The following FAM149B1 variants were observed in gnomAD, a reference collection of about 807,000 sequenced individuals.
The protein encoded by FAM149B1 is family with sequence similarity 149 member B1.
FAM149B1 carries 56 observed loss-of-function variants against 75.3 expected under a neutral mutation model. The observed-to-expected ratio is 0.74, with a 90% confidence interval of 0.60 to 0.93. The LOEUF (loss-of-function observed/expected upper bound fraction) is 0.93. Ranked by LOEUF, FAM149B1 falls within the 40% of genes least tolerant of loss-of-function variation. FAM149B1 has a pLI of 0.00. For missense variants in FAM149B1, 639 were observed against 708.4 expected (o/e 0.90, Z 1.11); for synonymous variants, 259 against 256.1 (o/e 1.01, Z -0.11).
intron 5 of FAM149B1, among the ~76,000 whole-genome samples, chr10:73,197,917 G>T: frequency 6.6e-6 from 1 of 152,238 alleles, no homozygotes; most frequent in East Asian, 1.9e-4. Context: ...TAGCTAAGGG[G>T]CTTATCTGTA....
chr10:73,176,172 G>T (rs918781362), intron 2 of FAM149B1, among the ~76,000 whole-genome samples: 1 of 152,070 alleles, frequency 6.6e-6, no homozygotes, highest in Non-Finnish European at 1.5e-5. Context: ...TTCCCATAAG[G>T]AATGCACAAC....
At chr10:73,235,029 T>C (rs2043791317) in intron 11 of FAM149B1, 89 bp downstream of exon 11, 1 of 1,499,922 alleles carries the variant, frequency 6.7e-7, no homozygotes, top group East Asian at 2.5e-5. Flanking sequence ...GATCTTGATT[T>C]ATACTGTGTT....
At chr10:73,171,231 G>A (rs139709848) in intron 1 of FAM149B1, among the ~76,000 whole-genome samples, 2,847 of 152,090 alleles carry the variant, frequency 0.019, 72 homozygotes, top group Non-Finnish European at 0.021. Context: ...GAGCCACCGC[G>A]CCTGGCCTAC....
intron 3 of FAM149B1, among the ~76,000 whole-genome samples, chr10:73,191,644 A>G (rs905364533): frequency 1.3e-5 from 2 of 151,784 alleles, no homozygotes; most frequent in African/African-American, 4.8e-5. Flanking sequence ...TGGCCTGACT[A>G]TTCTTAAAGG....
intron 2 of FAM149B1, among the ~76,000 whole-genome samples, chr10:73,177,546 C>T (rs1844024256): frequency 6.6e-6 from 1 of 151,282 alleles, no homozygotes; most frequent in Admixed American, 6.6e-5. Context: ...TGCACTGTAG[C>T]CTGGGCGACA....
intron 5 of FAM149B1, among the ~76,000 whole-genome samples, chr10:73,196,004 T>G (rs991710023): frequency 6.6e-6 from 1 of 152,216 alleles, no homozygotes; most frequent in Non-Finnish European, 1.5e-5. Flanking sequence ...TATGAACTCA[T>G]AGCATTTCAA....
At position 73,230,159 on chromosome 10, in the gene FAM149B1, A is replaced by G. The variant is rs770467331; in HGVS notation, c.1024-263A>G. The stretch of plus-strand genomic sequence containing the variant: ...ATAATAAAGGTCCTCACTCCCTGTA[A>G]GAGGGCTGTTAATTGTTTTCATCCA... On this transcript the variant is annotated intron_variant, in intron 8 of 13. Coordinates refer to ENST00000242505, the MANE Select transcript of FAM149B1 (RefSeq NM_173348.2). 7.7e-5 allele frequency: 27 copies of G among 348,940 alleles called. No homozygotes were observed. In the South Asian group the frequency reaches 9.6e-4, roughly 12 times the overall value. The allele number at this position is 348,940 out of a possible 1,614,324, so 21.6% of individuals were successfully genotyped here. A position where few individuals can be genotyped will look rare whatever the true frequency, so the allele number is the denominator to read the frequency against.
At chr10:73,218,538 A>G (rs921568958) in intron 7 of FAM149B1, among the ~76,000 whole-genome samples, 6 of 152,154 alleles carry the variant, frequency 3.9e-5, no homozygotes, top group African/African-American at 1.4e-4. Flanking sequence ...ATCTTTTCAG[A>G]TAATTTCTTC....
At chr10:73,215,342 T>C (rs1249855577) in intron 7 of FAM149B1, among the ~76,000 whole-genome samples, 1 of 152,062 alleles carries the variant, frequency 6.6e-6, no homozygotes. Context: ...TTTAGTTCCT[T>C]GAGGTGTAAT....
rs1373770267 is a variant in FAM149B1 at position 73,228,058 on chromosome 10, AGAT to A, written c.903_905del (p.Asp301del). 6.4e-7 allele frequency: 1 copy of A among 1,551,664 alleles called. No individual in the cohort carries two copies. On this transcript the variant is annotated splice_acceptor_variant and coding_sequence_variant, in exon 8 of 14. Coordinates refer to ENST00000242505, the MANE Select transcript of FAM149B1 (RefSeq NM_173348.2). LOFTEE classifies it high-confidence loss of function. ...GATAATATATCCTGTTCCTTTGCCC[AGAT>A]GATGAGAGTAATGTTGCAGTTACCA...
chr10:73,240,947 T>G lies in FAM149B1; in HGVS notation c.1677T>G (p.Gly559=), dbSNP rs1018559649. 4.6e-6 allele frequency: 7 copies of G among 1,528,744 alleles called. No individual in the cohort carries two copies. In the African/African-American group the frequency reaches 1.0e-4, roughly 22 times the overall value. 94.7% of individuals were successfully genotyped at this position (1,528,744 alleles called of 1,614,324 possible). The change falls in exon 14 of 14, where the codon GGT becomes GGG. Residue 559 remains glycine, a splice_region_variant and synonymous_variant. Coordinates refer to ENST00000242505, the MANE Select transcript of FAM149B1 (RefSeq NM_173348.2). The part of the protein sequence containing the change: ...HQARPGRGSA[G]PQLHGSTKSQ... ...ATGTTACTCTATGTCATCTGACAGG[T>G]CCTCAGTTACATGGGTCTACAAAAT...
Position 73,203,379 on chromosome 10 carries a change from AAAG to A in FAM149B1, c.543-5236_543-5234del, listed in dbSNP as rs1338118688. Among the ~76,000 whole-genome samples the A allele has an allele frequency of 3.3e-5, 5 of 152,292 alleles. No individual in the cohort carries two copies. In the South Asian group the frequency reaches 1.0e-3, roughly 32 times the overall value. ...ATAAAATTGGGATGATTTTACTAGA[AAAG>A]AAGGAGAGAATGGATATTGAGGGGC... On this transcript the variant is annotated intron_variant, in intron 5 of 13. Transcript: ENST00000242505.
intron 3 of FAM149B1, among the ~76,000 whole-genome samples, chr10:73,186,293 T>TA (rs981526691): frequency 4.6e-5 from 7 of 151,866 alleles, no homozygotes; most frequent in Non-Finnish European, 8.8e-5. Flanking sequence ...CATTCATAAT[T>TA]AAAAAAACAC....
At chr10:73,178,071 G>A (rs1844050888) in intron 3 of FAM149B1, 96 bp downstream of exon 3, 14 of 1,205,792 alleles carry the variant, frequency 1.2e-5, no homozygotes, top group Non-Finnish European at 1.5e-5. Context: ...CTCCTGCATT[G>A]TTTCTTTACA....
chr10:73,228,717 C>A (rs1302408202), intron 8 of FAM149B1, among the ~76,000 whole-genome samples: 1 of 152,056 alleles, frequency 6.6e-6, no homozygotes, highest in Admixed American at 6.5e-5. Context: ...TGTGCCTCAG[C>A]CCCCTGAGTA....
chr10:73,228,056 C>T lies in FAM149B1; in HGVS notation c.899-4C>T, dbSNP rs79533527. 2 of 1,551,364 alleles carry T rather than the reference C, an allele frequency of 1.3e-6. No individual in the cohort carries two copies. The highest frequency in any genetic ancestry group is 1.7e-6 in the Non-Finnish European group (2 of 1,146,766). On this transcript the variant is annotated splice_polypyrimidine_tract_variant and splice_region_variant and intron_variant, in intron 7 of 13. Transcript: ENST00000242505. ...TGGATAATATATCCTGTTCCTTTGC[C>T]CAGATGATGAGAGTAATGTTGCAGT...
intron 7 of FAM149B1, among the ~76,000 whole-genome samples, chr10:73,218,684 A>G (rs1366050288): frequency 1.3e-5 from 2 of 151,956 alleles, no homozygotes; most frequent in Non-Finnish European, 2.9e-5. Flanking sequence ...GTGAGTGAAT[A>G]CTCTAATCTT....
At chr10:73,228,335 T>C (rs1196717628) in intron 8 of FAM149B1, among the ~76,000 whole-genome samples, 151 bp downstream of exon 8, 1 of 152,192 alleles carries the variant, frequency 6.6e-6, no homozygotes, top group Admixed American at 6.5e-5. Context: ...ACTCTTCGCA[T>C]TGGTTTGTTT....
intron 5 of FAM149B1, among the ~76,000 whole-genome samples, chr10:73,195,499 T>C (rs915036157): frequency 3.9e-5 from 6 of 152,214 alleles, no homozygotes; most frequent in Non-Finnish European, 7.4e-5. Flanking sequence ...CAAAATTACA[T>C]AACTCATATT....
Sources: gnomAD v4.1 joint callset for allele counts (sites outside exome capture counted in the v4.1 genomes callset) on GRCh38, gnomAD v4.1.1 for gene constraint, MANE v1.5 for transcripts, NCBI Gene and HGNC (gene_info 2026-07-23, HGNC 2026-07-21) for gene names.